The following RBFOX1 variants were observed in gnomAD, a reference collection of about 807,000 sequenced individuals.
RBFOX1 encodes RNA binding protein fox-1 homolog 1.
Under a neutral mutation model 57.7 loss-of-function variants are expected in RBFOX1, and 8 were observed. The ratio of observed to expected loss-of-function variants is 0.14; its 90% confidence interval spans 0.08 to 0.25. The LOEUF is 0.25. Ranked by LOEUF, RBFOX1 falls within the 10% of genes least tolerant of loss-of-function variation. The pLI is 1.00. For synonymous variants in RBFOX1, 326 were observed against 222.4 expected (o/e 1.47, Z -4.15); for missense variants, 611 against 548.5 (o/e 1.11, Z -1.14).
intron 2 of RBFOX1, among the ~76,000 whole-genome samples, chr16:6,461,842 C>T (rs2094928385): frequency 6.6e-6 from 1 of 152,062 alleles, no homozygotes; most frequent in African/African-American, 2.4e-5. Flanking sequence ...GCAATTATAT[C>T]AGCTTTGTGG....
intron 2 of RBFOX1, among the ~76,000 whole-genome samples, chr16:5,523,070 A>C (rs1567190104): frequency 6.6e-6 from 1 of 151,876 alleles, no homozygotes; most frequent in African/African-American, 2.4e-5. Flanking sequence ...GGTGGATCAC[A>C]AGGTCAGGAG....
chr16:5,892,168 A>G (rs1007017547), intron 4 of RBFOX1, among the ~76,000 whole-genome samples: 1 of 152,198 alleles, frequency 6.6e-6, no homozygotes, highest in Non-Finnish European at 1.5e-5. Context: ...CAGAGAAAAG[A>G]AAAAGCAGGA....
intron 2 of RBFOX1, among the ~76,000 whole-genome samples, chr16:6,567,117 G>A (rs1159425388): frequency 6.6e-6 from 1 of 152,176 alleles, no homozygotes. Context: ...AGGCTGTCCA[G>A]ATTTCTCTGC....
At chr16:6,665,099 G>C (rs1308052690) in intron 3 of RBFOX1, among the ~76,000 whole-genome samples, 1 of 152,160 alleles carries the variant, frequency 6.6e-6, no homozygotes, top group African/African-American at 2.4e-5. Flanking sequence ...GCTGGATGCT[G>C]GTACTTTAAT....
At chr16:5,944,841 C>A (rs143470695) in intron 4 of RBFOX1, among the ~76,000 whole-genome samples, 4,551 of 137,798 alleles carry the variant, frequency 0.033, 276 homozygotes, top group East Asian at 0.22. Context: ...CACCTGTAGT[C>A]CCAGCTACTC....
intron 1 of RBFOX1, among the ~76,000 whole-genome samples, chr16:6,078,017 G>A (rs1048790551): frequency 6.6e-6 from 1 of 152,108 alleles, no homozygotes; most frequent in African/African-American, 2.4e-5. Flanking sequence ...CTGAATCTGA[G>A]ACTGAACATT....
rs116578338 is a variant in RBFOX1 at position 6,798,806 on chromosome 16, A to G, written c.-16+144156A>G. ...TTAGTGGCACCATAGTTTATTGAGCATCTGTGATTAGATTGTGTTCCCTAG... is the reference window on the plus strand; with the variant it reads ...TTAGTGGCACCATAGTTTATTGAGCGTCTGTGATTAGATTGTGTTCCCTAG... On this transcript the variant is annotated intron_variant, in intron 3 of 15. Coordinates refer to ENST00000550418, the MANE Select transcript of RBFOX1 (RefSeq NM_018723.4). Among the ~76,000 whole-genome samples, 920 of 152,264 alleles carry G rather than the reference A, an allele frequency of 6.0e-3. 7 individuals carry two copies. Among genetic ancestry groups the G allele is most frequent in the Middle Eastern group, 0.017 (5 of 294 alleles).
chr16:5,764,513 A>T (rs1006243698), intron 3 of RBFOX1, among the ~76,000 whole-genome samples: 1 of 152,316 alleles, frequency 6.6e-6, no homozygotes, highest in African/African-American at 2.4e-5. Flanking sequence ...CTTTACAGCA[A>T]TGCAAGAATG....
At chr16:6,709,505 C>T (rs1425473324) in intron 3 of RBFOX1, among the ~76,000 whole-genome samples, 3 of 152,178 alleles carry the variant, frequency 2.0e-5, no homozygotes, top group African/African-American at 7.2e-5. Context: ...CCTACTGTTG[C>T]AGCAGCATTT....
chr16:6,786,383 C>G (rs115182124), intron 3 of RBFOX1, among the ~76,000 whole-genome samples: 3,214 of 152,230 alleles, frequency 0.021, 74 homozygotes, highest in African/African-American at 0.06. Flanking sequence ...CAGCATTATT[C>G]TTCTTGTACC....
At chr16:6,106,937 C>G (rs1055131043) in intron 1 of RBFOX1, among the ~76,000 whole-genome samples, 1 of 152,158 alleles carries the variant, frequency 6.6e-6, no homozygotes, top group African/African-American at 2.4e-5. Flanking sequence ...TCCCAAAGGG[C>G]TGGGATTACA....
intron 3 of RBFOX1, among the ~76,000 whole-genome samples, chr16:5,849,512 C>T (rs1208128850): frequency 1.3e-5 from 2 of 152,104 alleles, no homozygotes; most frequent in Admixed American, 6.5e-5. Context: ...CCAGTATCCA[C>T]TCTAGGGTCC....
intron 2 of RBFOX1, among the ~76,000 whole-genome samples, chr16:6,450,989 A>G (rs2094609597): frequency 6.7e-6 from 1 of 148,464 alleles, no homozygotes; most frequent in Non-Finnish European, 1.5e-5. Context: ...AGTTTAAGAC[A>G]ATAGGGATTA....
At chr16:6,927,664 A>T (rs2075842663) in intron 3 of RBFOX1, among the ~76,000 whole-genome samples, 1 of 152,102 alleles carries the variant, frequency 6.6e-6, no homozygotes, top group African/African-American at 2.4e-5. Context: ...TGAGGATGTC[A>T]GCATCACCTG....
At chr16:6,714,411 T>C (rs924712300) in intron 3 of RBFOX1, among the ~76,000 whole-genome samples, 3 of 152,126 alleles carry the variant, frequency 2.0e-5, no homozygotes, top group African/African-American at 4.8e-5. Flanking sequence ...AGAATTTATT[T>C]TGTGAAGCCA....
At chr16:7,257,922 C>A (rs2094761714) in intron 4 of RBFOX1, among the ~76,000 whole-genome samples, 1 of 152,156 alleles carries the variant, frequency 6.6e-6, no homozygotes, top group Non-Finnish European at 1.5e-5. Context: ...ATCTTCGTAT[C>A]TCCTGCTTTC....
At chr16:7,425,956 A>G (rs1035082170) in intron 4 of RBFOX1, among the ~76,000 whole-genome samples, 2 of 152,220 alleles carry the variant, frequency 1.3e-5, no homozygotes, top group African/African-American at 2.4e-5. Flanking sequence ...AATGTGCTGT[A>G]TCCATGAGCT....
chr16:5,497,638 A>AAAAAAAAAAT (rs71142625), intron 2 of RBFOX1, among the ~76,000 whole-genome samples: 14 of 139,398 alleles, frequency 1.0e-4, no homozygotes, highest in African/African-American at 2.7e-4. Context: ...AAAAAAAAAA[A>AAAAAAAAAAT]GCTGGGCATG....
intron 1 of RBFOX1, among the ~76,000 whole-genome samples, chr16:5,296,260 C>T (rs2063665443): frequency 6.6e-6 from 1 of 151,744 alleles, no homozygotes; most frequent in Non-Finnish European, 1.5e-5. Flanking sequence ...TGTGTAGATG[C>T]ATCTTTGAGG....
Sources: gnomAD v4.1 joint callset for allele counts (sites outside exome capture counted in the v4.1 genomes callset) on GRCh38, gnomAD v4.1.1 for gene constraint, MANE v1.5 for transcripts, NCBI Gene and HGNC (gene_info 2026-07-23, HGNC 2026-07-21) for gene names.